The following BCO2 variants were observed in gnomAD, a reference collection of about 807,000 sequenced individuals.
BCO2 encodes the protein beta-carotene oxygenase 2, also known as carotenoid-cleaving dioxygenase, mitochondrial.
Under a neutral mutation model 65.8 loss-of-function variants are expected in BCO2, and 56 were observed. That is an observed-to-expected ratio of 0.85 (90% confidence interval 0.69 to 1.06). The LOEUF is 1.06. BCO2 is among the 50% of genes least tolerant of loss of function. The pLI is 0.00. For missense variants in BCO2, 675 were observed against 698.5 expected, an observed-to-expected ratio of 0.97 and a Z score of 0.38; for synonymous variants, 233 against 242.3, an observed-to-expected ratio of 0.96 and a Z score of 0.36.
intron 8 of BCO2, among the ~76,000 whole-genome samples, chr11:112,205,476 G>C (rs890202361): frequency 3.3e-5 from 5 of 152,064 alleles, no homozygotes; most frequent in Non-Finnish European, 5.9e-5. Flanking sequence ...TTCTTTTAGG[G>C]ACAGGATCTC....
At chr11:112,216,478 C>G (rs1566804859) in intron 11 of BCO2, 148 bp downstream of exon 11, 1 of 583,982 alleles carries the variant, frequency 1.7e-6, no homozygotes, top group Non-Finnish European at 3.0e-6. Context: ...CCTTTTATCT[C>G]AATCCATATT....
chr11:112,214,738 A>G (rs1419770632), intron 9 of BCO2, 24 bp from the exon 10 acceptor site: 1 of 1,600,378 alleles, frequency 6.2e-7, no homozygotes, highest in African/African-American at 1.3e-5. Flanking sequence ...CAACCACTAC[A>G]AATCCTTTTG....
chr11:112,206,790 C>A (rs952322256), intron 8 of BCO2, among the ~76,000 whole-genome samples: 1 of 152,156 alleles, frequency 6.6e-6, no homozygotes, highest in Non-Finnish European at 1.5e-5. Flanking sequence ...AACTGTAGAT[C>A]AATTTGGAGA....
At chr11:112,194,609 A>G (rs201080788) in intron 4 of BCO2, 44 bp from the exon 5 acceptor site, 2 of 1,138,392 alleles carry the variant, frequency 1.8e-6, no homozygotes, top group Non-Finnish European at 2.7e-6. Context: ...GCATGTGAAT[A>G]GAGATCTGCC....
chr11:112,188,826 A>G (rs1287716621), intron 2 of BCO2, among the ~76,000 whole-genome samples: 1 of 151,348 alleles, frequency 6.6e-6, no homozygotes, highest in Non-Finnish European at 1.5e-5. Flanking sequence ...TGTGCCTGTA[A>G]GTGCTGACCT....
intron 2 of BCO2, among the ~76,000 whole-genome samples, chr11:112,192,941 T>TTTTTTTTTTTTTC: frequency 7.5e-6 from 1 of 133,230 alleles, no homozygotes; most frequent in Non-Finnish European, 1.6e-5. Flanking sequence ...TTTTTTTTTT[T>TTTTTTTTTTTTTC]TTGACAGGGG....
chr11:112,200,244 A>G, intron 6 of BCO2: 1 of 185,458 alleles, frequency 5.4e-6, no homozygotes, highest in Non-Finnish European at 1.1e-5. Context: ...CTGCTTCTAG[A>G]TTCTTACCCC....
At chr11:112,199,286 A>G (rs1189625730) in intron 5 of BCO2, among the ~76,000 whole-genome samples, 2 of 152,068 alleles carry the variant, frequency 1.3e-5, no homozygotes, top group East Asian at 3.9e-4. Context: ...AAGGACATGA[A>G]CTCATCCTTT....
chr11:112,191,326 C>G (rs867889388), intron 2 of BCO2, among the ~76,000 whole-genome samples: 4 of 152,034 alleles, frequency 2.6e-5, no homozygotes, highest in Admixed American at 6.5e-5. Flanking sequence ...AAAATTAACA[C>G]ACTGAAATAA....
Position 112,179,450 on chromosome 11 carries a change from TG to T in BCO2, c.263del (p.Gly88AspfsTer32). The stretch of plus-strand genomic sequence containing the variant: ...GGCTCAATGGCTCTCTACTTCGAAT[TG>T]GACCTGGGAAATTCGAGTTTGGGAA... ...KWLNGSLLRI[G>X]PGKFEFGKDK... On this transcript the variant is annotated frameshift_variant, in exon 2 of 12. Transcript: ENST00000357685. LOFTEE classifies it high-confidence loss of function. 3 of 1,614,168 alleles carry T rather than the reference TG, an allele frequency of 1.9e-6. No homozygotes were observed. The highest frequency in any genetic ancestry group is 2.5e-6 in the Non-Finnish European group (3 of 1,180,032).
intron 8 of BCO2, among the ~76,000 whole-genome samples, chr11:112,207,512 A>G (rs181518176): frequency 1.3e-5 from 2 of 152,312 alleles, no homozygotes; most frequent in Admixed American, 1.3e-4. Flanking sequence ...TCTGGACTGT[A>G]TATTCTGTTC....
rs550136060 is a variant in BCO2, at chr11:112,214,848, C to G, written c.1419C>G (p.Phe473Leu). 96 of 1,614,026 alleles carry G rather than the reference C, an allele frequency of 5.9e-5. 1 individual carries two copies. In the South Asian group the frequency reaches 1.0e-3, roughly 17 times the overall value. ...IEFPQIYYDR[F>L]SGKKYHFFYG... is the part of the protein sequence containing the mutation. Reference sequence around the variant, plus strand: ...TTCCTCAGATCTACTATGATCGATTCAGTGGCAAAAAGTATCATTTCTTTT... The same window carrying G: ...TTCCTCAGATCTACTATGATCGATTGAGTGGCAAAAAGTATCATTTCTTTT... The change falls in exon 10 of 12, where the codon TTC becomes TTG. Residue 473 changes from phenylalanine (F) to leucine (L), a missense_variant. Transcript: ENST00000357685.
intron 8 of BCO2, among the ~76,000 whole-genome samples, chr11:112,204,737 A>C (rs373024968): frequency 6.6e-6 from 1 of 152,080 alleles, no homozygotes; most frequent in African/African-American, 2.4e-5. Context: ...CAATGGCGTG[A>C]TCTCGTCTCA....
chr11:112,200,886 A>T (rs1867714235), intron 7 of BCO2, 113 bp downstream of exon 7: 1 of 1,136,932 alleles, frequency 8.8e-7, no homozygotes, highest in Non-Finnish European at 1.3e-6. Flanking sequence ...GACACTTTTA[A>T]TCAAGGATAT....
At chr11:112,210,775 C>T (rs1859485593) in intron 8 of BCO2, among the ~76,000 whole-genome samples, 1 of 151,844 alleles carries the variant, frequency 6.6e-6, no homozygotes, top group Non-Finnish European at 1.5e-5. Context: ...CACACACACA[C>T]ACACACACGA....
intron 2 of BCO2, chr11:112,182,053 A>T (rs1474541751): frequency 1.6e-5 from 5 of 315,502 alleles, no homozygotes; most frequent in Admixed American, 9.5e-5. Flanking sequence ...GGATACGAAC[A>T]GATACTTCTC....
At chr11:112,186,984 A>G (rs1867218203) in intron 2 of BCO2, among the ~76,000 whole-genome samples, 1 of 152,164 alleles carries the variant, frequency 6.6e-6, no homozygotes, top group Non-Finnish European at 1.5e-5. Context: ...CGCCACTGTA[A>G]TGATTGTCCC....
Position 112,217,847 on chromosome 11 carries a change from G to A in BCO2, c.1713G>A (p.Gly571=), listed in dbSNP as rs763297154. Residue 571 remains glycine (G), a synonymous_variant, in exon 12 of 12, where the codon GGG becomes GGA. Transcript: ENST00000357685. ...RAEVPVQMPY[G]FHGTFIPI is the part of the protein sequence containing the mutation. The stretch of plus-strand genomic sequence containing the variant: ...AGGTACCTGTGCAGATGCCTTATGG[G>A]TTCCATGGTACCTTCATACCCATCT... 3 of 1,613,786 alleles carry A rather than the reference G, an allele frequency of 1.9e-6. No homozygotes were observed. Among genetic ancestry groups the A allele is most frequent in the South Asian group, 2.2e-5 (2 of 91,038 alleles).
At chr11:112,184,001 T>A (rs140599551) in intron 2 of BCO2, among the ~76,000 whole-genome samples, 2 of 152,356 alleles carry the variant, frequency 1.3e-5, no homozygotes, top group African/African-American at 4.8e-5. Context: ...TCTGTCTGTT[T>A]ACACTATTAG....
Sources: allele counts gnomAD v4.1 joint callset (sites outside exome capture counted in the v4.1 genomes callset), GRCh38; gene constraint gnomAD v4.1.1; transcripts MANE v1.5; gene names NCBI Gene and HGNC (gene_info 2026-07-23, HGNC 2026-07-21).